The following PCDH15 variants were observed in gnomAD, a reference collection of about 807,000 sequenced individuals.
PCDH15 encodes protocadherin-15.
Under a neutral mutation model 178.5 loss-of-function variants are expected in PCDH15, and 129 were observed. That is an observed-to-expected ratio of 0.72 (90% CI 0.63 to 0.84). The LOEUF is 0.84. Ranked by LOEUF, PCDH15 falls within the 40% of genes least tolerant of loss-of-function variation. The probability of loss-of-function intolerance (pLI) is 0.00; values close to 1 mark genes in which losing one functional copy is unlikely to be tolerated. For missense variants in PCDH15, 2,230 were observed against 2,099.9 expected (o/e 1.06, Z -1.21); for synonymous variants, 800 against 732.0 (o/e 1.09, Z -1.50).
At chr10:54,355,031 G>A (rs1755005170) in intron 5 of PCDH15, among the ~76,000 whole-genome samples, 1 of 143,578 alleles carries the variant, frequency 7.0e-6, no homozygotes. Flanking sequence ...CTGTTTATAA[G>A]TGTATCTCTA....
intron 2 of PCDH15, among the ~76,000 whole-genome samples, chr10:55,024,752 C>T (rs956924301): frequency 6.6e-6 from 1 of 152,166 alleles, no homozygotes; most frequent in African/African-American, 2.4e-5. Context: ...TTCCCATCAG[C>T]TCTACCTTTA....
At chr10:55,071,458 T>C (rs1206944553) in intron 2 of PCDH15, among the ~76,000 whole-genome samples, 1 of 151,948 alleles carries the variant, frequency 6.6e-6, no homozygotes, top group Non-Finnish European at 1.5e-5. Flanking sequence ...TAGTCTCTGA[T>C]AAAACAGACT....
chr10:54,836,880 T>G (rs1483639190), intron 3 of PCDH15, among the ~76,000 whole-genome samples: 1 of 151,930 alleles, frequency 6.6e-6, no homozygotes, highest in Non-Finnish European at 1.5e-5. Context: ...ACAGAAAAGA[T>G]CAAACAACTA....
intron 32 of PCDH15, among the ~76,000 whole-genome samples, chr10:53,824,145 A>T (rs200149498): frequency 1.8e-3 from 18 of 10,148 alleles, no homozygotes; most frequent in Non-Finnish European, 6.5e-4. Flanking sequence ...GATTGATGCT[A>T]AAAAAAAAAA....
At chr10:54,375,061 T>G (rs1948200640) in intron 4 of PCDH15, among the ~76,000 whole-genome samples, 1 of 152,082 alleles carries the variant, frequency 6.6e-6, no homozygotes, top group East Asian at 1.9e-4. Context: ...GGAAAATAAA[T>G]TTTTCTCTAA....
intron 2 of PCDH15, among the ~76,000 whole-genome samples, chr10:55,018,974 A>G (rs759696921): frequency 1.3e-5 from 2 of 152,156 alleles, no homozygotes; most frequent in Admixed American, 6.6e-5. Flanking sequence ...AAGTATCATA[A>G]CAAAAACCAC....
chr10:54,579,208 T>C (rs2090799559), intron 2 of PCDH15, among the ~76,000 whole-genome samples: 1 of 152,018 alleles, frequency 6.6e-6, no homozygotes, highest in Non-Finnish European at 1.5e-5. Flanking sequence ...TTGCAAGTTG[T>C]ATAAAACACA....
At chr10:54,977,766 G>A (rs771873450) in intron 2 of PCDH15, among the ~76,000 whole-genome samples, 1 of 152,080 alleles carries the variant, frequency 6.6e-6, no homozygotes, top group South Asian at 2.1e-4. Flanking sequence ...CCTCTCTTGG[G>A]GTCTGGATCA....
chr10:55,305,509 A>G (rs1164764169), intron 1 of PCDH15, among the ~76,000 whole-genome samples: 1 of 152,244 alleles, frequency 6.6e-6, no homozygotes, highest in Non-Finnish European at 1.5e-5. Context: ...CTCATGGCAC[A>G]GAGCTGCCTT....
intron 1 of PCDH15, among the ~76,000 whole-genome samples, chr10:54,709,332 GA>G (rs2095403503): frequency 6.6e-6 from 1 of 151,934 alleles, no homozygotes; most frequent in African/African-American, 2.4e-5. Flanking sequence ...ATTGATTGAA[GA>G]GAGAAGGAAA....
chr10:55,483,250 A>G (rs1375707888), intron 2 of PCDH15, among the ~76,000 whole-genome samples: 2 of 150,340 alleles, frequency 1.3e-5, no homozygotes, highest in Non-Finnish European at 3.0e-5. Context: ...TCTAATGTCC[A>G]TAATCTATAA....
chr10:53,897,622 C>G (rs915199042), intron 26 of PCDH15, among the ~76,000 whole-genome samples: 2 of 151,420 alleles, frequency 1.3e-5, no homozygotes, highest in African/African-American at 4.9e-5. Context: ...AATACCACTG[C>G]CATTCATGCT....
intron 26 of PCDH15, among the ~76,000 whole-genome samples, chr10:53,882,568 G>A (rs184280380): frequency 1.7e-3 from 264 of 152,162 alleles, no homozygotes; most frequent in African/African-American, 6.1e-3. Flanking sequence ...TCATCATGTT[G>A]GCCAGTCTGG....
At chr10:55,275,994 TATC>T (rs915071996) in intron 1 of PCDH15, among the ~76,000 whole-genome samples, 6 of 151,428 alleles carry the variant, frequency 4.0e-5, no homozygotes, top group East Asian at 3.9e-4. Flanking sequence ...CTAGGCATGT[TATC>T]ATATTTTTGA....
At chr10:54,671,749 T>A (rs2094677574) in intron 1 of PCDH15, among the ~76,000 whole-genome samples, 1 of 152,172 alleles carries the variant, frequency 6.6e-6, no homozygotes, top group Non-Finnish European at 1.5e-5. Context: ...TAATAATAAA[T>A]ACATAATAGT....
chr10:55,007,573 G>T (rs1564710568), intron 2 of PCDH15, among the ~76,000 whole-genome samples: 1 of 152,042 alleles, frequency 6.6e-6, no homozygotes, highest in Non-Finnish European at 1.5e-5. Flanking sequence ...AGGCATTTGG[G>T]TCACATACTA....
chr10:53,936,994 G>C (rs952299857), intron 25 of PCDH15, among the ~76,000 whole-genome samples: 1 of 152,028 alleles, frequency 6.6e-6, no homozygotes, highest in Non-Finnish European at 1.5e-5. Flanking sequence ...AGGAGGCAAA[G>C]GTCAATCATA....
intron 2 of PCDH15, among the ~76,000 whole-genome samples, chr10:54,605,510 C>T (rs1384961797): frequency 6.6e-6 from 1 of 152,066 alleles, no homozygotes; most frequent in East Asian, 1.9e-4. Flanking sequence ...CACCAATGAT[C>T]ATAGGAGGGT....
chr10:54,679,798 G>C (rs1350572853), intron 1 of PCDH15, among the ~76,000 whole-genome samples: 1 of 152,026 alleles, frequency 6.6e-6, no homozygotes, highest in African/African-American at 2.4e-5. Flanking sequence ...TGAATCCCTG[G>C]ATATTCTTAA....
Sources: gnomAD v4.1 joint callset for allele counts (sites outside exome capture counted in the v4.1 genomes callset) on GRCh38, gnomAD v4.1.1 for gene constraint, MANE v1.5 for transcripts, NCBI Gene and HGNC (gene_info 2026-07-23, HGNC 2026-07-21) for gene names.